Variants in NFIB observed in about 807,000 individuals in gnomAD.
The protein encoded by NFIB is nuclear factor 1 B-type.
In NFIB, 11 loss-of-function variants were observed where a neutral mutation model predicts 61.5. The observed-to-expected ratio is 0.18, with a 90% CI of 0.11 to 0.30. The LOEUF (loss-of-function observed/expected upper bound fraction) is 0.30, where lower values mean the gene tolerates loss of function less well. Ranked by LOEUF, NFIB falls within the 10% of genes least tolerant of loss-of-function variation. The probability of loss-of-function intolerance (pLI) is 1.00; values close to 1 mark genes in which losing one functional copy is unlikely to be tolerated. For synonymous variants in NFIB, 260 were observed against 216.5 expected, an observed-to-expected ratio of 1.20 and a Z score of -1.76; for missense variants, 471 against 608.9, an observed-to-expected ratio of 0.77 and a Z score of 2.38.
the NFIB span, among the ~76,000 whole-genome samples, chr9:14,460,168 T>A: frequency 1.3e-5 from 2 of 152,056 alleles, no homozygotes; most frequent in Non-Finnish European, 2.9e-5. Context: ...CACATATACA[T>A]CATGGAATAC....
intron 1 of NFIB, among the ~76,000 whole-genome samples, chr9:14,395,857 G>A (rs886259720): frequency 2.7e-5 from 4 of 150,706 alleles, no homozygotes; most frequent in African/African-American, 7.3e-5. Flanking sequence ...GCCTCAGTGC[G>A]GGTGAGATAT....
At chr9:14,191,059 G>C (rs1262039245) in intron 2 of NFIB, among the ~76,000 whole-genome samples, 2 of 152,132 alleles carry the variant, frequency 1.3e-5, no homozygotes, top group African/African-American at 4.8e-5. Flanking sequence ...TGGGCGTAGT[G>C]GTGGGTGCCT....
At chr9:14,391,070 G>A (rs757715155) in intron 1 of NFIB, among the ~76,000 whole-genome samples, 14 of 152,130 alleles carry the variant, frequency 9.2e-5, no homozygotes, top group Admixed American at 2.6e-4. Context: ...TCAAAAAGGT[G>A]GAATATAACT....
chr9:14,152,976 T>C (rs2043023329), intron 4 of NFIB, among the ~76,000 whole-genome samples: 1 of 152,134 alleles, frequency 6.6e-6, no homozygotes, highest in Admixed American at 6.6e-5. Context: ...GCAGGGTGGC[T>C]ACAGTTAACA....
At chr9:14,333,334 A>T (rs1047953419) in intron 1 of NFIB, among the ~76,000 whole-genome samples, 2 of 152,202 alleles carry the variant, frequency 1.3e-5, no homozygotes, top group African/African-American at 4.8e-5. Flanking sequence ...CAGAGGCAGG[A>T]TTTGAACCTA....
chr9:14,223,092 C>T lies in NFIB; in HGVS notation c.563-43312G>A, dbSNP rs757064080. Among the ~76,000 whole-genome samples, 3 of 152,100 alleles carry T rather than the reference C, an allele frequency of 2.0e-5. No individual in the cohort carries two copies. The South Asian group carries it at 6.2e-4, about 31-fold the overall frequency. On this transcript the variant is annotated intron_variant, in intron 2 of 10. Transcript: ENST00000380953. Reference sequence around the variant, plus strand: ...AAAAGCAGAAAGAAAAATCTCATAACGTTTTAAGAGAGTTTATGAATTTCT... The same window carrying T: ...AAAAGCAGAAAGAAAAATCTCATAATGTTTTAAGAGAGTTTATGAATTTCT...
chr9:14,145,732 CCT>C (rs763526104), intron 6 of NFIB, among the ~76,000 whole-genome samples: 2 of 150,884 alleles, frequency 1.3e-5, no homozygotes, highest in East Asian at 3.9e-4. Flanking sequence ...CTTACTCCAT[CCT>C]CTGCTTCCCA....
chr9:14,094,837 T>C (rs181158390), intron 10 of NFIB, among the ~76,000 whole-genome samples: 11 of 152,146 alleles, frequency 7.2e-5, no homozygotes, highest in African/African-American at 2.4e-4. Context: ...GAAAATAGCA[T>C]ATCAAAATGG....
chr9:14,111,688 T>G (rs557165868), intron 10 of NFIB, among the ~76,000 whole-genome samples: 37 of 152,276 alleles, frequency 2.4e-4, no homozygotes, highest in African/African-American at 8.7e-4. Context: ...AAAGCAACAT[T>G]CCAGAGAATT....
upstream of NFIB, chr9:14,314,219 T>A (rs1370138567): frequency 4.1e-6 from 2 of 489,964 alleles, no homozygotes; most frequent in East Asian, 3.5e-4. Flanking sequence ...GAGGCCGGGG[T>A]GAGGGAGGGG....
chr9:14,503,776 C>G, the NFIB span, among the ~76,000 whole-genome samples: 1 of 152,132 alleles, frequency 6.6e-6, no homozygotes, highest in Non-Finnish European at 1.5e-5. Flanking sequence ...TGTGGGTTGT[C>G]TCTTAACTGC....
intron 2 of NFIB, among the ~76,000 whole-genome samples, chr9:14,194,745 T>A (rs1369655282): frequency 6.6e-6 from 1 of 151,974 alleles, no homozygotes; most frequent in Non-Finnish European, 1.5e-5. Context: ...GAGAAATAGG[T>A]TGAAACAGGC....
chr9:14,200,132 C>G (rs191263859), intron 2 of NFIB, among the ~76,000 whole-genome samples: 6 of 152,224 alleles, frequency 3.9e-5, no homozygotes, highest in Non-Finnish European at 7.4e-5. Flanking sequence ...GGCATATTTC[C>G]TTCTATTTTC....
intron 2 of NFIB, among the ~76,000 whole-genome samples, chr9:14,289,717 C>T (rs373689151): frequency 6.6e-6 from 1 of 151,846 alleles, no homozygotes; most frequent in East Asian, 1.9e-4. Context: ...AATTATATTA[C>T]CAGTGAAATG....
intron 2 of NFIB, among the ~76,000 whole-genome samples, chr9:14,291,964 A>G (rs1481585651): frequency 6.6e-6 from 1 of 152,222 alleles, no homozygotes; most frequent in Non-Finnish European, 1.5e-5. Context: ...CACACACAAA[A>G]AAAGAGAAAG....
At chr9:14,432,826 T>C in the NFIB span, among the ~76,000 whole-genome samples, 1,488 of 152,280 alleles carry the variant, frequency 9.8e-3, 18 homozygotes, top group African/African-American at 0.033. Context: ...GAGGCCAATA[T>C]TTTTGGGTCC....
intron 2 of NFIB, among the ~76,000 whole-genome samples, chr9:14,245,969 G>A (rs759295345): frequency 8.5e-5 from 13 of 152,080 alleles, no homozygotes; most frequent in Non-Finnish European, 1.6e-4. Context: ...TGAGTTTACT[G>A]TAAATATCCA....
At chr9:14,199,438 TA>T (rs2048785712) in intron 2 of NFIB, among the ~76,000 whole-genome samples, 1 of 152,224 alleles carries the variant, frequency 6.6e-6, no homozygotes, top group Admixed American at 6.5e-5. Flanking sequence ...CTGATAAAGT[TA>T]AATGGCCTGC....
chr9:14,145,172 T>C (rs933711870), intron 6 of NFIB, among the ~76,000 whole-genome samples: 1 of 152,004 alleles, frequency 6.6e-6, no homozygotes, highest in Non-Finnish European at 1.5e-5. Flanking sequence ...GAGTTTCATA[T>C]CCTTGCATAA....
Sources: allele counts gnomAD v4.1 joint callset (sites outside exome capture counted in the v4.1 genomes callset), GRCh38; gene constraint gnomAD v4.1.1; transcripts MANE v1.5; gene names NCBI Gene and HGNC (gene_info 2026-07-23, HGNC 2026-07-21).